The following PPP6R2 variants were observed in gnomAD, a reference collection of about 807,000 sequenced individuals.
PPP6R2 encodes serine/threonine-protein phosphatase 6 regulatory subunit 2.
A neutral mutation model predicts 100.2 loss-of-function variants in PPP6R2; 62 were observed. The observed-to-expected ratio is 0.62, with a 90% CI of 0.50 to 0.76. The LOEUF is 0.76. PPP6R2 is among the 30% of genes least tolerant of loss of function. The probability of loss-of-function intolerance (pLI) is 0.00; values close to 1 mark genes in which losing one functional copy is unlikely to be tolerated. For synonymous variants in PPP6R2, 525 were observed against 514.7 expected (o/e 1.02, Z -0.27); for missense variants, 1,142 against 1,276.3 (o/e 0.89, Z 1.60).
At chr22:50,333,023 C>G in the PPP6R2 span, among the ~76,000 whole-genome samples, 1 of 152,070 alleles carries the variant, frequency 6.6e-6, no homozygotes, top group Non-Finnish European at 1.5e-5. Context: ...TGTGGTGGTT[C>G]AGCTACTTGG....
At chr22:50,353,470 A>G (rs1407475189) in intron 1 of PPP6R2, among the ~76,000 whole-genome samples, 1 of 152,330 alleles carries the variant, frequency 6.6e-6, no homozygotes, top group South Asian at 2.1e-4. Context: ...TCCCAAAACA[A>G]TTAAAATAGT....
intron 12 of PPP6R2, among the ~76,000 whole-genome samples, 160 bp downstream of exon 12, chr22:50,432,489 G>T (rs181778705): frequency 2.0e-5 from 3 of 152,182 alleles, no homozygotes; most frequent in Non-Finnish European, 4.4e-5. Flanking sequence ...TGTGCAAGGG[G>T]CCCTTCTACT....
At chr22:50,377,296 A>G (rs1200181854) in intron 2 of PPP6R2, among the ~76,000 whole-genome samples, 1 of 152,064 alleles carries the variant, frequency 6.6e-6, no homozygotes, top group Non-Finnish European at 1.5e-5. Context: ...TCTACAAAGA[A>G]TTTTTAAAAT....
chr22:50,422,222 C>A (rs1251132090), intron 8 of PPP6R2, 32 bp from the exon 9 acceptor site: 3 of 1,606,192 alleles, frequency 1.9e-6, no homozygotes, highest in Non-Finnish European at 2.6e-6. Context: ...GTCCTGGTGT[C>A]CCCGGTCTCC....
intron 1 of PPP6R2, among the ~76,000 whole-genome samples, chr22:50,354,176 G>A (rs1329036101): frequency 6.6e-6 from 1 of 152,036 alleles, no homozygotes. Flanking sequence ...ATGGTGGCAC[G>A]TGGCTGTAAT....
At chr22:50,379,659 C>T (rs1275840624) in intron 2 of PPP6R2, among the ~76,000 whole-genome samples, 2 of 151,790 alleles carry the variant, frequency 1.3e-5, no homozygotes, top group African/African-American at 4.8e-5. Context: ...TTGGGAGGGT[C>T]ACTTGAGCCC....
At chr22:50,437,236 T>G (rs1326316246) in intron 15 of PPP6R2, among the ~76,000 whole-genome samples, 168 bp downstream of exon 15, 1 of 152,168 alleles carries the variant, frequency 6.6e-6, no homozygotes, top group East Asian at 1.9e-4. Context: ...AACCCCAAAG[T>G]CACTCCACCT....
intron 22 of PPP6R2, chr22:50,443,489 CCT>C (rs2066313767): frequency 1.0e-5 from 2 of 197,126 alleles, no homozygotes; most frequent in African/African-American, 2.3e-5. Flanking sequence ...CCGGCAGGGT[CCT>C]CTCTACCCTC....
At chr22:50,372,749 T>C (rs2050535068) in intron 2 of PPP6R2, among the ~76,000 whole-genome samples, 4 of 150,316 alleles carry the variant, frequency 2.7e-5, no homozygotes, top group East Asian at 4.0e-4. Context: ...AGTGCAGTGG[T>C]GTGATCTCGG....
intron 1 of PPP6R2, among the ~76,000 whole-genome samples, chr22:50,351,027 T>TG (rs2045024410): frequency 2.7e-4 from 11 of 40,432 alleles, no homozygotes; most frequent in Admixed American, 4.9e-4. Context: ...CTCAACAGTG[T>TG]TTTTTTTTTT....
chr22:50,360,955 C>G (rs1340571333), intron 1 of PPP6R2, among the ~76,000 whole-genome samples: 1 of 152,216 alleles, frequency 6.6e-6, no homozygotes, highest in East Asian at 1.9e-4. Context: ...CCAGTGTCCT[C>G]TCTCTGGGCT....
intron 19 of PPP6R2, 107 bp from the exon 20 acceptor site, chr22:50,439,594 C>T (rs1267755605): frequency 7.9e-7 from 1 of 1,273,338 alleles, no homozygotes; most frequent in Non-Finnish European, 1.1e-6. Context: ...GCAGCCCCAT[C>T]TTCCTGTCAA....
upstream of PPP6R2, among the ~76,000 whole-genome samples, chr22:50,339,482 GGTGTGTATA>G (rs2042343835): frequency 7.6e-6 from 1 of 131,852 alleles, no homozygotes; most frequent in Non-Finnish European, 1.6e-5. Flanking sequence ...TGTAGTGTGT[GGTGTGTATA>G]GGGTGTGTGT....
intron 3 of PPP6R2, among the ~76,000 whole-genome samples, chr22:50,398,257 C>T (rs141460909): frequency 0.015 from 2,243 of 151,270 alleles, 22 homozygotes; most frequent in Middle Eastern, 0.041. Flanking sequence ...CTACAACCTC[C>T]GCGTCCCAGG....
intron 22 of PPP6R2, 49 bp from the exon 23 acceptor site, chr22:50,443,817 G>A: frequency 6.6e-7 from 1 of 1,526,598 alleles, no homozygotes. Context: ...AGGCGGGGTG[G>A]CACTGAGGGT....
At chr22:50,357,469 C>G (rs2046850847) in intron 1 of PPP6R2, among the ~76,000 whole-genome samples, 1 of 151,150 alleles carries the variant, frequency 6.6e-6, no homozygotes. Context: ...TCCCTTCCTT[C>G]CTTTCCCCTT....
chr22:50,361,341 T>G (rs1348674677), intron 1 of PPP6R2, among the ~76,000 whole-genome samples: 1 of 152,206 alleles, frequency 6.6e-6, no homozygotes, highest in South Asian at 2.1e-4. Flanking sequence ...CCCATGACGT[T>G]GCGCTAGTCA....
At chr22:50,378,094 C>G (rs1346611892) in intron 2 of PPP6R2, among the ~76,000 whole-genome samples, 2 of 152,242 alleles carry the variant, frequency 1.3e-5, no homozygotes, top group East Asian at 3.9e-4. Flanking sequence ...GAGAGTAAAA[C>G]TACAAAGCAC....
At position 50,364,026 on chromosome 22, in the gene PPP6R2, C is replaced by G. The variant is rs575525011; in HGVS notation, c.-147-7994C>G. ...TCTCCTGCCTAAGCCTCCCGAGTAG[C>G]TGGGATTACAGGCATGCACCACCAC... is the stretch of plus-strand genomic sequence containing the variant. On this transcript the variant is annotated intron_variant, in intron 1 of 23. Coordinates refer to ENST00000612753, the MANE Select transcript of PPP6R2 (RefSeq NM_001242898.2). Among the ~76,000 whole-genome samples the G allele has an allele frequency of 3.9e-5, 6 of 152,024 alleles. No individual in the cohort carries two copies. In the South Asian group the frequency reaches 1.2e-3, roughly 31 times the overall value.
Sources: gnomAD v4.1 joint callset for allele counts (sites outside exome capture counted in the v4.1 genomes callset) on GRCh38, gnomAD v4.1.1 for gene constraint, MANE v1.5 for transcripts, NCBI Gene and HGNC (gene_info 2026-07-23, HGNC 2026-07-21) for gene names.